The following PCDH15 variants were observed in gnomAD, a reference collection of about 807,000 sequenced individuals.
PCDH15 encodes the protein protocadherin related 15.
A neutral mutation model predicts 178.5 loss-of-function variants in PCDH15; 129 were observed. The observed-to-expected ratio is 0.72, with a 90% CI of 0.63 to 0.84. The LOEUF (loss-of-function observed/expected upper bound fraction) is 0.84, where lower values mean the gene tolerates loss of function less well. Ranked by LOEUF, PCDH15 falls within the 40% of genes least tolerant of loss-of-function variation. The pLI, the probability that PCDH15 is intolerant of heterozygous loss-of-function variation, is 0.00. For missense variants in PCDH15, 2,230 were observed against 2,099.9 expected (o/e 1.06, Z -1.21); for synonymous variants, 800 against 732.0 (o/e 1.09, Z -1.50).
chr10:53,866,740 C>A lies in PCDH15; in HGVS notation c.3619G>T (p.Ala1207Ser), dbSNP rs780430096. The A allele has an allele frequency of 6.2e-7, 1 of 1,613,358 alleles. No homozygotes were observed. Reference protein sequence around the residue: ...VETYTGLIKTAMLFHNMRRSY... With the variant: ...VETYTGLIKTSMLFHNMRRSY... ...CTCCTCATATTATGGAAGAGCATAG[C>A]AGTTTTGATAAGCCCTGTATATGTT... The change falls in exon 27 of 38, where the codon GCT becomes TCT. Residue 1207 changes from alanine to serine, a missense_variant. Coordinates refer to ENST00000644397, the MANE Select transcript of PCDH15 (RefSeq NM_001384140.1).
intron 2 of PCDH15, among the ~76,000 whole-genome samples, chr10:55,472,945 C>A (rs552200831): frequency 1.3e-5 from 2 of 152,132 alleles, no homozygotes; most frequent in African/African-American, 4.8e-5. Context: ...GAAAAATACT[C>A]AATGTCAGAT....
rs559294118 is a variant in PCDH15 at position 54,768,848 on chromosome 10, C to T, written c.-29+32077G>A. 5.3e-5 allele frequency among the ~76,000 whole-genome samples: 8 copies of T among 151,642 alleles called. No homozygotes were observed. The East Asian group carries it at 1.6e-3, about 30-fold the overall frequency. On this transcript the variant is annotated intron_variant, in intron 1 of 37. Transcript: ENST00000644397. ...ACTTGTAAAGTGATCTGCATTAGCA[C>T]AGTCCTGAGCTGTCTTTAGTTTCCT...
At chr10:53,816,194 ACAGTGAAGGCT>A in intron 35 of PCDH15, 34 bp downstream of exon 35, 1 of 398,664 alleles carries the variant, frequency 2.5e-6, no homozygotes, top group Non-Finnish European at 4.4e-6. Context: ...TCTTAAAGTC[ACAGTGAAGGCT>A]CAGTGAGGTT....
At chr10:53,851,751 C>T (rs544889028) in intron 28 of PCDH15, among the ~76,000 whole-genome samples, 3 of 128,968 alleles carry the variant, frequency 2.3e-5, no homozygotes, top group African/African-American at 8.2e-5. Flanking sequence ...TACATATATA[C>T]TATACAAATA....
intron 3 of PCDH15, among the ~76,000 whole-genome samples, chr10:54,463,180 A>G (rs1247142520): frequency 6.6e-6 from 1 of 152,136 alleles, no homozygotes; most frequent in Non-Finnish European, 1.5e-5. Flanking sequence ...GAATGCCAAT[A>G]GGCCAGTAAA....
rs191899919 is a variant in PCDH15 at position 54,368,647 on chromosome 10, C to T, written c.474+473G>A. On this transcript the variant is annotated intron_variant, in intron 5 of 37. Transcript: ENST00000644397. Reference sequence around the variant, plus strand: ...TGATCAGCATTTTTCTATAAGAATTCGGTTGTGATTTGTAGTTAATTTTTG... The same window carrying T: ...TGATCAGCATTTTTCTATAAGAATTTGGTTGTGATTTGTAGTTAATTTTTG... Among the ~76,000 whole-genome samples the T allele has an allele frequency of 1.3e-3, 198 of 151,962 alleles. 1 individual carries two copies. Among genetic ancestry groups the T allele is most frequent in the African/African-American group, 2.5e-3 (105 of 41,516 alleles).
At chr10:54,259,767 C>T (rs2132266466) in intron 8 of PCDH15, among the ~76,000 whole-genome samples, 1 of 152,170 alleles carries the variant, frequency 6.6e-6, no homozygotes, top group African/African-American at 2.4e-5. Flanking sequence ...TTCTATGTTC[C>T]AGTCTTGTAA....
intron 2 of PCDH15, among the ~76,000 whole-genome samples, chr10:55,415,996 A>G (rs1838473392): frequency 6.6e-6 from 1 of 151,614 alleles, no homozygotes; most frequent in Non-Finnish European, 1.5e-5. Context: ...AACATTTCAC[A>G]GTTGGGAAAA....
chr10:55,201,744 C>T (rs1292960844), intron 1 of PCDH15, among the ~76,000 whole-genome samples: 3 of 152,206 alleles, frequency 2.0e-5, no homozygotes, highest in Admixed American at 6.5e-5. Context: ...AATGCATTCA[C>T]TTGGAAGAGC....
chr10:53,903,303 T>A lies in PCDH15; in HGVS notation c.3441A>T (p.Lys1147Asn), dbSNP rs1190083795. Reference sequence around the variant, plus strand: ...CTTCAGATACACCTCCGATGTAGAATTTTTTCTGAAACACTGGGGGATGAT... The same window carrying A: ...CTTCAGATACACCTCCGATGTAGAAATTTTTCTGAAACACTGGGGGATGAT... ...ENNHPPVFQK[K>N]FYIGGVSEDA... Residue 1147 changes from lysine to asparagine, a missense_variant, in exon 26 of 38, where the codon AAA becomes AAT. Transcript: ENST00000644397. 2 of 1,613,270 alleles carry A rather than the reference T, an allele frequency of 1.2e-6. No homozygotes were observed. Among genetic ancestry groups the A allele is most frequent in the South Asian group, 2.2e-5 (2 of 91,068 alleles).
intron 2 of PCDH15, among the ~76,000 whole-genome samples, chr10:54,530,632 A>G (rs954027658): frequency 6.6e-6 from 1 of 152,136 alleles, no homozygotes; most frequent in Non-Finnish European, 1.5e-5. Flanking sequence ...TAACCCCTCA[A>G]TAGCAGAAAC....
intron 2 of PCDH15, among the ~76,000 whole-genome samples, chr10:54,925,203 C>G (rs929644000): frequency 1.3e-5 from 2 of 151,956 alleles, no homozygotes; most frequent in African/African-American, 2.4e-5. Flanking sequence ...AATAAAAAAT[C>G]CTTTCCTTGT....
At chr10:54,206,032 A>G (rs1309374094) in intron 10 of PCDH15, among the ~76,000 whole-genome samples, 2 of 152,074 alleles carry the variant, frequency 1.3e-5, no homozygotes, top group East Asian at 3.9e-4. Context: ...TAATATAACG[A>G]CGAAATAATA....
intron 3 of PCDH15, among the ~76,000 whole-genome samples, chr10:54,522,868 T>C (rs1476068098): frequency 1.3e-5 from 2 of 152,182 alleles, no homozygotes; most frequent in Non-Finnish European, 2.9e-5. Flanking sequence ...ATTTCAGCTG[T>C]TTTGTTGTAA....
intron 2 of PCDH15, among the ~76,000 whole-genome samples, chr10:55,157,707 A>C (rs928391179): frequency 3.9e-5 from 6 of 152,020 alleles, no homozygotes; most frequent in African/African-American, 1.5e-4. Context: ...TCACAAGGAC[A>C]GAAAACCAAA....
rs987868114 is a variant in PCDH15 at position 54,130,776 on chromosome 10, T to C, written c.1917+2099A>G. Among the ~76,000 whole-genome samples, 8 of 152,298 alleles carry C rather than the reference T, an allele frequency of 5.3e-5. No homozygotes were observed. The South Asian group carries it at 1.7e-3, about 32-fold the overall frequency. On this transcript the variant is annotated intron_variant, in intron 15 of 37. Coordinates refer to ENST00000644397, the MANE Select transcript of PCDH15 (RefSeq NM_001384140.1). ...AATTGAGCAGTGCGTCAGCTGTAGG[T>C]AGTGCTAGAGTGTGAAAAGGATGAG...
At chr10:54,848,966 A>C (rs748892734) in intron 3 of PCDH15, among the ~76,000 whole-genome samples, 26 of 152,208 alleles carry the variant, frequency 1.7e-4, no homozygotes, top group Non-Finnish European at 3.1e-4. Context: ...ATTATTTATG[A>C]TCCATATGCC....
intron 13 of PCDH15, among the ~76,000 whole-genome samples, chr10:54,170,417 G>A (rs527939679): frequency 1.3e-5 from 2 of 152,028 alleles, no homozygotes; most frequent in South Asian, 2.1e-4. Context: ...GGCTGCCACT[G>A]CATTAATACT....
At chr10:54,281,840 G>T (rs1186408730) in intron 8 of PCDH15, among the ~76,000 whole-genome samples, 1 of 151,938 alleles carries the variant, frequency 6.6e-6, no homozygotes, top group Admixed American at 6.6e-5. Flanking sequence ...TTATAAAATT[G>T]TACATAACTA....
Sources: allele counts gnomAD v4.1 joint callset (sites outside exome capture counted in the v4.1 genomes callset), GRCh38; gene constraint gnomAD v4.1.1; transcripts MANE v1.5; gene names NCBI Gene and HGNC (gene_info 2026-07-23, HGNC 2026-07-21).